Variants in GRM8 observed in about 807,000 individuals in gnomAD.
The protein encoded by GRM8 is metabotropic glutamate receptor 8.
Under a neutral mutation model 87.2 loss-of-function variants are expected in GRM8, and 47 were observed. That is an observed-to-expected ratio of 0.54 (90% CI 0.43 to 0.69). The LOEUF is 0.69. Ranked by LOEUF, GRM8 falls within the 30% of genes least tolerant of loss-of-function variation. GRM8 has a pLI of 0.00. For missense variants in GRM8, 1,019 were observed against 1,139.2 expected (o/e 0.89, Z 1.52); for synonymous variants, 396 against 404.5 (o/e 0.98, Z 0.25).
At chr7:126,923,898 T>C (rs1399941116) in intron 3 of GRM8, among the ~76,000 whole-genome samples, 1 of 152,124 alleles carries the variant, frequency 6.6e-6, no homozygotes, top group African/African-American at 2.4e-5. Context: ...CCCATTCAGA[T>C]TGAAACTTGA....
intron 8 of GRM8, among the ~76,000 whole-genome samples, chr7:126,579,662 T>C (rs1456493448): frequency 1.3e-5 from 2 of 152,194 alleles, no homozygotes; most frequent in East Asian, 3.8e-4. Flanking sequence ...GAATTTTTAC[T>C]TGCCTTTCTT....
At chr7:126,939,203 A>T (rs1563335106) in intron 3 of GRM8, among the ~76,000 whole-genome samples, 1 of 152,212 alleles carries the variant, frequency 6.6e-6, no homozygotes, top group Non-Finnish European at 1.5e-5. Flanking sequence ...CACCAATTCA[A>T]TCAGGGCATT....
At chr7:126,681,298 C>T (rs1323588333) in intron 7 of GRM8, among the ~76,000 whole-genome samples, 2 of 152,162 alleles carry the variant, frequency 1.3e-5, no homozygotes, top group Non-Finnish European at 1.5e-5. Context: ...TTCTCTTCTG[C>T]TCTGTGGCAG....
chr7:126,639,286 G>A (rs574495257), intron 7 of GRM8, among the ~76,000 whole-genome samples: 3 of 152,198 alleles, frequency 2.0e-5, no homozygotes, highest in South Asian at 2.1e-4. Flanking sequence ...GTCACAAATT[G>A]TAAGAGGTAA....
intron 3 of GRM8, among the ~76,000 whole-genome samples, chr7:127,079,318 C>T (rs967172580): frequency 6.6e-6 from 1 of 152,068 alleles, no homozygotes; most frequent in African/African-American, 2.4e-5. Context: ...GTTGGGGTTT[C>T]ACCATATGGG....
chr7:126,585,938 T>C lies in GRM8; in HGVS notation c.1494+23424A>G, dbSNP rs185037128. Among the ~76,000 whole-genome samples the C allele has an allele frequency of 1.2e-3, 181 of 152,262 alleles. 1 individual carries two copies. Among genetic ancestry groups the C allele is most frequent in the Admixed American group, 0.011 (170 of 15,300 alleles). On this transcript the variant is annotated intron_variant, in intron 8 of 10. Coordinates refer to ENST00000339582, the MANE Select transcript of GRM8 (RefSeq NM_000845.3). ...ATTGTGTATTTAGAAAACCCCATTGTCTCAGCCCAAAATCTCCTTAAGCTG... is the reference window on the plus strand; with the variant it reads ...ATTGTGTATTTAGAAAACCCCATTGCCTCAGCCCAAAATCTCCTTAAGCTG...
At chr7:126,575,755 C>T (rs1795059339) in intron 8 of GRM8, among the ~76,000 whole-genome samples, 1 of 152,058 alleles carries the variant, frequency 6.6e-6, no homozygotes, top group African/African-American at 2.4e-5. Context: ...TTGTGAGATG[C>T]CAACCCCTAA....
At chr7:126,500,599 G>A (rs1809495294) in intron 9 of GRM8, among the ~76,000 whole-genome samples, 1 of 152,058 alleles carries the variant, frequency 6.6e-6, no homozygotes, top group Middle Eastern at 3.4e-3. Context: ...GTTTGGAAAA[G>A]AACAGTAGGA....
chr7:127,044,157 C>G (rs1404574093), intron 3 of GRM8, among the ~76,000 whole-genome samples: 1 of 152,204 alleles, frequency 6.6e-6, no homozygotes, highest in African/African-American at 2.4e-5. Flanking sequence ...ATACTGCCAA[C>G]AGCAGCTGCA....
At chr7:127,089,230 G>C (rs569617306) in intron 3 of GRM8, among the ~76,000 whole-genome samples, 1 of 152,322 alleles carries the variant, frequency 6.6e-6, no homozygotes, top group Admixed American at 6.5e-5. Flanking sequence ...CCAGAGACTG[G>C]AGTTATGCAG....
intron 6 of GRM8, among the ~76,000 whole-genome samples, chr7:126,788,420 A>AACAAAAAAAAAAAAAAAAAAAAAAAAAC (rs1554492201): frequency 1.2e-5 from 1 of 81,136 alleles, no homozygotes; most frequent in African/African-American, 4.6e-5. Context: ...AAAAAAAAAA[A>AACAAAAAAAAAAAAAAAAAAAAAAAAAC]AAACCCTTTC....
At chr7:127,035,671 T>C (rs899295017) in intron 3 of GRM8, among the ~76,000 whole-genome samples, 1 of 152,218 alleles carries the variant, frequency 6.6e-6, no homozygotes, top group African/African-American at 2.4e-5. Context: ...AATCAGTCAA[T>C]GGTGTGGCAA....
intron 7 of GRM8, among the ~76,000 whole-genome samples, chr7:126,748,244 A>T (rs1295996905): frequency 6.6e-6 from 1 of 152,096 alleles, no homozygotes; most frequent in Admixed American, 6.6e-5. Flanking sequence ...AGATAATATG[A>T]TTAAGTTGAA....
intron 3 of GRM8, among the ~76,000 whole-genome samples, chr7:127,100,270 G>C (rs150159897): frequency 3.3e-5 from 5 of 152,238 alleles, no homozygotes; most frequent in African/African-American, 1.2e-4. Context: ...TGCACGTTCA[G>C]CTATGCATTC....
At chr7:126,673,224 C>T (rs923907818) in intron 7 of GRM8, among the ~76,000 whole-genome samples, 2 of 152,118 alleles carry the variant, frequency 1.3e-5, no homozygotes, top group African/African-American at 2.4e-5. Context: ...TTCCTTTTCC[C>T]CCAACAAAAC....
intron 7 of GRM8, among the ~76,000 whole-genome samples, chr7:126,665,234 A>C (rs574576799): frequency 6.6e-6 from 1 of 152,326 alleles, no homozygotes; most frequent in East Asian, 1.9e-4. Context: ...CAATCAACCC[A>C]GAAATTCCAT....
chr7:126,618,648 C>T (rs967099842), intron 7 of GRM8, among the ~76,000 whole-genome samples: 1 of 152,068 alleles, frequency 6.6e-6, no homozygotes, highest in South Asian at 2.1e-4. Context: ...GGCTAATATC[C>T]ACAATCTACA....
At chr7:126,467,818 C>G (rs900531750) in intron 9 of GRM8, among the ~76,000 whole-genome samples, 1 of 151,884 alleles carries the variant, frequency 6.6e-6, no homozygotes, top group Non-Finnish European at 1.5e-5. Flanking sequence ...CAGGCAAAGG[C>G]AGGGGCTTTA....
chr7:126,835,186 T>C (rs932898244), intron 6 of GRM8, among the ~76,000 whole-genome samples: 1 of 152,188 alleles, frequency 6.6e-6, no homozygotes, highest in Non-Finnish European at 1.5e-5. Context: ...AAAATTCAAG[T>C]TGTCCTTTAA....
Sources: allele counts gnomAD v4.1 joint callset (sites outside exome capture counted in the v4.1 genomes callset), GRCh38; gene constraint gnomAD v4.1.1; transcripts MANE v1.5; gene names NCBI Gene and HGNC (gene_info 2026-07-23, HGNC 2026-07-21).